The following UGGT1 variants were observed in gnomAD, a reference collection of about 807,000 sequenced individuals.
UGGT1 encodes the protein UDP-glucose glycoprotein glucosyltransferase 1, also known as UDP-glucose:glycoprotein glucosyltransferase 1.
UGGT1 carries 107 observed loss-of-function variants against 203.9 expected under a neutral mutation model. The observed-to-expected ratio is 0.52, with a 90% CI of 0.45 to 0.62. The LOEUF (loss-of-function observed/expected upper bound fraction) is 0.62, where lower values mean the gene tolerates loss of function less well. Among genes scored for constraint, UGGT1 ranks in the 20% least tolerant of loss-of-function variants. UGGT1 has a pLI of 0.00. For missense variants in UGGT1, 1,673 were observed against 1,867.2 expected (o/e 0.90, Z 1.92); for synonymous variants, 628 against 653.5 (o/e 0.96, Z 0.59).
intron 7 of UGGT1, among the ~76,000 whole-genome samples, chr2:128,116,049 C>T (rs367614124): frequency 5.3e-5 from 8 of 152,142 alleles, no homozygotes; most frequent in African/African-American, 1.9e-4. Context: ...CATTCTTTAT[C>T]CAGGAACACA....
At chr2:128,118,981 A>G (rs914437865) in intron 8 of UGGT1, among the ~76,000 whole-genome samples, 1 of 152,048 alleles carries the variant, frequency 6.6e-6, no homozygotes, top group Admixed American at 6.6e-5. Context: ...CATTTTTGGT[A>G]TTTAAGAGTT....
Position 128,138,776 on chromosome 2 carries a change from G to T in UGGT1, c.1643G>T (p.Gly548Val). Residue 548 changes from glycine (G) to valine (V), a missense_variant, in exon 16 of 41, where the codon GGA (glycine) becomes GTA (valine). Coordinates refer to ENST00000259253, the MANE Select transcript of UGGT1 (RefSeq NM_020120.4). ...SEDVDGMQDAGVAVLRAYNYV... is the reference protein window; with the variant it reads ...SEDVDGMQDAVVAVLRAYNYV... ...GATGTTGATGGGATGCAAGATGCTGGAGTGGCTGTTCTTAGAGCATATAAT... is the reference window on the plus strand; with the variant it reads ...GATGTTGATGGGATGCAAGATGCTGTAGTGGCTGTTCTTAGAGCATATAAT... 4 of 1,614,110 alleles carry T rather than the reference G, an allele frequency of 2.5e-6. No homozygotes were observed. In the South Asian group the frequency reaches 4.4e-5, roughly 18 times the overall value.
At chr2:128,144,810 C>T (rs1249109451) in intron 17 of UGGT1, among the ~76,000 whole-genome samples, 1 of 152,160 alleles carries the variant, frequency 6.6e-6, no homozygotes, top group Non-Finnish European at 1.5e-5. Flanking sequence ...GAGTTCTTTT[C>T]TACTGGTGCT....
intron 2 of UGGT1, 56 bp downstream of exon 2, chr2:128,097,620 A>G: frequency 6.3e-7 from 1 of 1,594,636 alleles, no homozygotes; most frequent in East Asian, 2.2e-5. Context: ...AGGCTCTGAC[A>G]GTGAACATTC....
At chr2:128,132,695 A>G (rs1688939813) in intron 13 of UGGT1, among the ~76,000 whole-genome samples, 2 of 151,258 alleles carry the variant, frequency 1.3e-5, no homozygotes, top group Admixed American at 6.6e-5. Flanking sequence ...TCATTTTTCC[A>G]CTCGATCTTT....
At chr2:128,174,029 T>C in intron 30 of UGGT1, 90 bp downstream of exon 30, 1 of 1,440,560 alleles carries the variant, frequency 6.9e-7, no homozygotes, top group Non-Finnish European at 9.5e-7. Context: ...TTCTTAACCA[T>C]AGAGTGAGAT....
chr2:128,145,613 G>C, intron 17 of UGGT1, 190 bp from the exon 18 acceptor site: 1 of 580,136 alleles, frequency 1.7e-6, no homozygotes, highest in Non-Finnish European at 2.8e-6. Context: ...TTCAATCTCA[G>C]ATTTACATAG....
chr2:128,103,251 C>G lies in UGGT1; in HGVS notation c.195-681C>G, dbSNP rs554647258. The G allele has an allele frequency of 7.8e-5, 26 of 332,780 alleles. No individual in the cohort carries two copies. In the Admixed American group the frequency reaches 9.1e-4, roughly 12 times the overall value. 20.6% of individuals were successfully genotyped at this position (332,780 alleles called of 1,614,324 possible). On this transcript the variant is annotated intron_variant, in intron 2 of 40. Coordinates refer to ENST00000259253, the MANE Select transcript of UGGT1 (RefSeq NM_020120.4). ...AGATAAGCAATTGACATGAATCATT[C>G]AATTACTACGTGCATTTCCTCGTAG...
At chr2:128,146,831 C>T (rs763045284) in intron 18 of UGGT1, among the ~76,000 whole-genome samples, 10 of 152,304 alleles carry the variant, frequency 6.6e-5, no homozygotes, top group Non-Finnish European at 1.3e-4. Context: ...TTGTTCTGGA[C>T]GTTGTATACA....
chr2:128,140,481 C>G (rs1292191999), intron 16 of UGGT1: 2 of 152,354 alleles, frequency 1.3e-5, no homozygotes, highest in Non-Finnish European at 2.9e-5. Context: ...GGCAGTGGAG[C>G]AGCTGCTCCA....
intron 15 of UGGT1, among the ~76,000 whole-genome samples, chr2:128,135,251 A>C (rs936971170): frequency 2.6e-5 from 4 of 152,256 alleles, no homozygotes; most frequent in African/African-American, 9.6e-5. Flanking sequence ...GTGAGTGTCC[A>C]CATCACAAAA....
In UGGT1 at chr2:128,133,231, C is replaced by T. The variant is rs764250020; in HGVS notation, c.1468C>T (p.Arg490Trp). Reference sequence around the variant, plus strand: ...TCGACCCACCTTTCCTGGTGTTATTCGGCAGATCAGGAAAAACTTACATAA... The same window carrying T: ...TCGACCCACCTTTCCTGGTGTTATTTGGCAGATCAGGAAAAACTTACATAA... ...LLRPTFPGVIRQIRKNLHNMV... is the reference protein window; with the variant it reads ...LLRPTFPGVIWQIRKNLHNMV... Residue 490 changes from arginine (R) to tryptophan (W), a missense_variant, in exon 14 of 41, where the codon CGG becomes TGG. Arg to Trp is a moderately radical substitution (Grantham distance 101). This residue lies in a region of UGGT1 where 1,073 missense variants were observed against 1,078.7 expected (regional missense o/e 0.99). Transcript: ENST00000259253. The T allele has an allele frequency of 7.4e-6, 12 of 1,613,694 alleles. No homozygotes were observed. The highest frequency in any genetic ancestry group is 3.3e-5 in the South Asian group (3 of 91,062).
intron 2 of UGGT1, 128 bp from the exon 3 acceptor site, chr2:128,103,804 T>C (rs1687487838): frequency 4.1e-6 from 2 of 487,142 alleles, no homozygotes; most frequent in Admixed American, 8.0e-5. Flanking sequence ...AAGAGTATTA[T>C]ATATTATAGA....
chr2:128,114,877 C>A (rs1427927289), intron 6 of UGGT1, among the ~76,000 whole-genome samples: 2 of 152,152 alleles, frequency 1.3e-5, no homozygotes, highest in African/African-American at 4.8e-5. Flanking sequence ...AACATATAAT[C>A]AATATTTTAA....
chr2:128,165,673 G>C (rs1017932844), intron 26 of UGGT1, among the ~76,000 whole-genome samples: 3 of 152,002 alleles, frequency 2.0e-5, no homozygotes, highest in African/African-American at 7.3e-5. Context: ...CTCCAGCCTT[G>C]GAGACAGAGC....
chr2:128,175,303 C>G (rs1257434719), intron 31 of UGGT1, among the ~76,000 whole-genome samples: 1 of 152,208 alleles, frequency 6.6e-6, no homozygotes, highest in African/African-American at 2.4e-5. Context: ...TGCTGGTATT[C>G]CTTGGTCTGT....
At chr2:128,130,277 A>T (rs1688812327) in intron 13 of UGGT1, among the ~76,000 whole-genome samples, 1 of 151,466 alleles carries the variant, frequency 6.6e-6, no homozygotes, top group Non-Finnish European at 1.5e-5. Flanking sequence ...AAAAAAAAAA[A>T]TAGAGAATGT....
At chr2:128,097,214 A>C (rs1162990812) in intron 1 of UGGT1, among the ~76,000 whole-genome samples, 1 of 152,172 alleles carries the variant, frequency 6.6e-6, no homozygotes, top group Non-Finnish European at 1.5e-5. Flanking sequence ...GTCTCTACTA[A>C]AGATACACAA....
At chr2:128,139,108 G>A (rs544121590) in intron 16 of UGGT1, among the ~76,000 whole-genome samples, 2 of 152,130 alleles carry the variant, frequency 1.3e-5, no homozygotes, top group South Asian at 2.1e-4. Context: ...GCAGGGCTGC[G>A]GAGAATGAAA....
Sources: allele counts gnomAD v4.1 joint callset (sites outside exome capture counted in the v4.1 genomes callset), GRCh38; gene constraint gnomAD v4.1.1; regional missense constraint gnomAD v4.1.1; transcripts MANE v1.5; gene names NCBI Gene and HGNC (gene_info 2026-07-23, HGNC 2026-07-21).